Variants in PNPLA1 observed in about 807,000 individuals in gnomAD.
PNPLA1 encodes omega-hydroxyceramide transacylase.
In PNPLA1, 36 loss-of-function variants were observed where a neutral mutation model predicts 51.7. The ratio of observed to expected loss-of-function variants is 0.70; its 90% CI spans 0.53 to 0.92. The LOEUF (loss-of-function observed/expected upper bound fraction) is 0.92. Among genes scored for constraint, PNPLA1 ranks in the 40% least tolerant of loss-of-function variants. PNPLA1 has a pLI of 0.00. For missense variants in PNPLA1, 658 were observed against 682.5 expected (o/e 0.96, Z 0.40); for synonymous variants, 293 against 280.1 (o/e 1.05, Z -0.46).
At chr6:36,311,182 T>C (rs1771400985) in intron 8 of PNPLA1, among the ~76,000 whole-genome samples, 1 of 152,202 alleles carries the variant, frequency 6.6e-6, no homozygotes, top group Non-Finnish European at 1.5e-5. Context: ...ACGCTGGAGT[T>C]TGAGAACCAC....
intron 1 of PNPLA1, among the ~76,000 whole-genome samples, chr6:36,278,778 C>T (rs866958490): frequency 2.0e-5 from 3 of 152,338 alleles, no homozygotes; most frequent in South Asian, 4.1e-4. Flanking sequence ...GGCTGAATTA[C>T]GGTGATGAAA....
chr6:36,303,247 ACCACG>A (rs1403699577), intron 6 of PNPLA1, among the ~76,000 whole-genome samples: 1 of 151,996 alleles, frequency 6.6e-6, no homozygotes, highest in Non-Finnish European at 1.5e-5. Flanking sequence ...GATGCCCGCC[ACCACG>A]CCTGGCTAAT....
Position 36,275,990 on chromosome 6 carries a change from G to A in PNPLA1, c.205+5326G>A, listed in dbSNP as rs540162440. Among the ~76,000 whole-genome samples the A allele has an allele frequency of 9.0e-5, 12 of 133,798 alleles. No individual in the cohort carries two copies. The East Asian group carries it at 2.2e-3, about 25-fold the overall frequency. 87.8% of individuals were successfully genotyped at this position (133,798 alleles called of 152,430 possible). The stretch of plus-strand genomic sequence containing the variant: ...TTTCTTTCTTTTGAGACAGAGTCTC[G>A]CTCTGTTGCCCAGGCTGACATGCAG... On this transcript the variant is annotated intron_variant, in intron 1 of 8. Transcript: ENST00000636260.
rs1770074268 is a variant in PNPLA1 at position 36,275,821 on chromosome 6, T to G, written c.205+5157T>G. The stretch of plus-strand genomic sequence containing the variant: ...TGCATCTTTCCATTTGTAAATATAG[T>G]TGATCTTTCTATTCTGGTCTTTTTG... On this transcript the variant is annotated intron_variant, in intron 1 of 8. Transcript: ENST00000636260. Among the ~76,000 whole-genome samples the G allele has an allele frequency of 2.0e-5, 3 of 152,214 alleles. No homozygotes were observed. The South Asian group carries it at 6.2e-4, about 31-fold the overall frequency.
intron 5 of PNPLA1, among the ~76,000 whole-genome samples, chr6:36,301,527 C>A (rs779008968): frequency 6.6e-6 from 1 of 152,144 alleles, no homozygotes; most frequent in Non-Finnish European, 1.5e-5. Context: ...ACCACCCCGC[C>A]CTGACCATCC....
At chr6:36,303,394 G>A (rs566494504) in intron 6 of PNPLA1, among the ~76,000 whole-genome samples, 21 of 152,120 alleles carry the variant, frequency 1.4e-4, no homozygotes, top group East Asian at 1.4e-3. Context: ...CGCCCAGCCA[G>A]AAATTTTTAA....
At chr6:36,304,912 G>C (rs558400006) in intron 6 of PNPLA1, among the ~76,000 whole-genome samples, 6 of 152,138 alleles carry the variant, frequency 3.9e-5, no homozygotes, top group African/African-American at 1.4e-4. Flanking sequence ...TCACCTAGTG[G>C]TTACAGGCTG....
intron 1 of PNPLA1, among the ~76,000 whole-genome samples, chr6:36,257,103 G>A (rs1769549489): frequency 6.6e-6 from 1 of 152,116 alleles, no homozygotes; most frequent in Admixed American, 6.6e-5. Flanking sequence ...GAAATATGTG[G>A]GGAGGGGATT....
chr6:36,294,307 T>A lies in PNPLA1; in HGVS notation c.622T>A (p.Phe208Ile), dbSNP rs1582084338. The A allele has an allele frequency of 6.2e-7, 1 of 1,614,202 alleles. No homozygotes were observed. The highest frequency in any genetic ancestry group is 1.3e-5 in the African/African-American group (1 of 75,042). ...CTGTCCCCGGGACTGCCCGGCCATC[T>A]TCCACGACTTCCGCATGTTCAACTG... ...DICPRDCPAI[F>I]HDFRMFNCSF... The change falls in exon 4 of 9, where the codon TTC (phenylalanine) becomes ATC (isoleucine). Residue 208 changes from phenylalanine (F) to isoleucine (I), a missense_variant. By Grantham distance (21) the Phe-to-Ile change is conservative. Coordinates refer to ENST00000636260, the MANE Select transcript of PNPLA1 (RefSeq NM_001374623.1). This position sits in a 1 kb window ranked among gnomAD's most constrained non-coding sequence, Gnocchi z 4.2.
chr6:36,290,843 C>A (rs1237957319), intron 1 of PNPLA1, among the ~76,000 whole-genome samples: 1 of 152,194 alleles, frequency 6.6e-6, no homozygotes, highest in Non-Finnish European at 1.5e-5. Context: ...TGCCCACAGA[C>A]TCAGTGGGCA....
At chr6:36,300,778 C>T (rs903170076) in intron 5 of PNPLA1, among the ~76,000 whole-genome samples, 2 of 152,178 alleles carry the variant, frequency 1.3e-5, no homozygotes, top group African/African-American at 4.8e-5. Context: ...GGAAGAAAGT[C>T]ACTGTGCACA....
chr6:36,278,426 C>T (rs1234918303), intron 1 of PNPLA1, among the ~76,000 whole-genome samples: 1 of 152,190 alleles, frequency 6.6e-6, no homozygotes, highest in Non-Finnish European at 1.5e-5. Flanking sequence ...GTTACAGTGT[C>T]AAGGTCAGTA....
At chr6:36,297,281 G>A (rs183419058) in intron 5 of PNPLA1, among the ~76,000 whole-genome samples, 24 of 152,252 alleles carry the variant, frequency 1.6e-4, no homozygotes, top group Admixed American at 1.0e-3. Flanking sequence ...GTTTCTCAGC[G>A]CAGATTTCAC....
chr6:36,309,466 A>G (rs1413237368), intron 8 of PNPLA1, among the ~76,000 whole-genome samples: 3 of 152,138 alleles, frequency 2.0e-5, no homozygotes, highest in Non-Finnish European at 4.4e-5. Context: ...CCCTGGGACT[A>G]GGAGCACTAT....
At chr6:36,259,621 A>C (rs1205404832) in intron 1 of PNPLA1, among the ~76,000 whole-genome samples, 1 of 152,144 alleles carries the variant, frequency 6.6e-6, no homozygotes, top group Non-Finnish European at 1.5e-5. Context: ...CACTGTGAGA[A>C]CCTAATAAGA....
Position 36,300,178 on chromosome 6 carries a change from T to TGAGAGAGAGAGA in PNPLA1, c.776-1656_776-1645dup, listed in dbSNP as rs71548136. Among the ~76,000 whole-genome samples, 68 of 98,122 alleles carry TGAGAGAGAGAGA rather than the reference T, an allele frequency of 6.9e-4. 1 individual carries two copies. Among genetic ancestry groups the TGAGAGAGAGAGA allele is most frequent in the African/African-American group, 2.1e-3 (64 of 30,108 alleles). The allele number at this position is 98,122 out of a possible 152,430, so 64.4% of individuals were successfully genotyped here. A position where few individuals can be genotyped will look rare whatever the true frequency, so the allele number is the denominator to read the frequency against. ...TCTTATTCTTGTGTGTGTGTGTGTG[T>TGAGAGAGAGAGA]GAGAGAGAGAGAGAGAGAGAGAGAG... is the stretch of plus-strand genomic sequence containing the variant. On this transcript the variant is annotated intron_variant, in intron 5 of 8. Coordinates refer to ENST00000636260, the MANE Select transcript of PNPLA1 (RefSeq NM_001374623.1).
At chr6:36,260,041 C>T (rs997833382) in intron 1 of PNPLA1, among the ~76,000 whole-genome samples, 2 of 151,986 alleles carry the variant, frequency 1.3e-5, no homozygotes, top group Non-Finnish European at 2.9e-5. Context: ...ACCTATAATC[C>T]CAGCACTTTG....
intron 1 of PNPLA1, among the ~76,000 whole-genome samples, chr6:36,289,544 A>G (rs1178009214): frequency 6.6e-6 from 1 of 152,068 alleles, no homozygotes; most frequent in Non-Finnish European, 1.5e-5. Flanking sequence ...TAGGAGGGTG[A>G]CAATTACGAT....
Position 36,306,342 on chromosome 6 carries a change from C to T in PNPLA1, c.1435C>T (p.His479Tyr). Residue 479 changes from histidine to tyrosine, a missense_variant, in exon 7 of 9, where the codon CAT (histidine) becomes TAT (tyrosine). Physicochemically the swap from His to Tyr is moderately conservative, Grantham distance 83. Transcript: ENST00000636260. ...ACCAAAAAGCGCCGTGCCTCTGGTT[C>T]ATGTGAAGGAAACCGTCAGCAAGCC... Reference protein sequence around the residue: ...SKPKSAVPLVHVKETVSKPYV... With the variant: ...SKPKSAVPLVYVKETVSKPYV... 1 of 1,613,292 alleles carries T rather than the reference C, an allele frequency of 6.2e-7. No homozygotes were observed. Among genetic ancestry groups the T allele is most frequent in the Non-Finnish European group, 8.5e-7 (1 of 1,179,756 alleles).
Sources: gnomAD v4.1 joint callset for allele counts (sites outside exome capture counted in the v4.1 genomes callset) on GRCh38, gnomAD v4.1.1 for gene constraint, Gnocchi (gnomAD v3.1) non-coding constraint, MANE v1.5 for transcripts, NCBI Gene and HGNC (gene_info 2026-07-23, HGNC 2026-07-21) for gene names.